The following LIN9 variants were observed in gnomAD, a reference collection of about 807,000 sequenced individuals.
LIN9 encodes the protein protein lin-9 homolog.
Under a neutral mutation model 78.0 loss-of-function variants are expected in LIN9, and 18 were observed. The observed-to-expected ratio is 0.23, with a 90% CI of 0.16 to 0.34. The LOEUF (loss-of-function observed/expected upper bound fraction) is 0.34. LIN9 is among the 10% of genes least tolerant of loss of function. LIN9 has a pLI of 1.00. For synonymous variants in LIN9, 192 were observed against 215.2 expected, an observed-to-expected ratio of 0.89 and a Z score of 0.94; for missense variants, 451 against 644.1, an observed-to-expected ratio of 0.70 and a Z score of 3.25.
chr1:226,251,099 CAGG>C (rs1421793919), intron 10 of LIN9, among the ~76,000 whole-genome samples, 180 bp from the exon 11 acceptor site: 2 of 152,166 alleles, frequency 1.3e-5, no homozygotes, highest in Non-Finnish European at 2.9e-5. Context: ...CTCTGTCACC[CAGG>C]CTGGAGTGCA....
intron 11 of LIN9, among the ~76,000 whole-genome samples, chr1:226,241,644 G>A (rs1231977670): frequency 6.6e-5 from 10 of 152,088 alleles, no homozygotes; most frequent in Non-Finnish European, 1.3e-4. Context: ...GGATCACGAG[G>A]TCAGGAGATC....
intron 11 of LIN9, among the ~76,000 whole-genome samples, chr1:226,241,826 C>T (rs1658134666): frequency 1.3e-5 from 2 of 151,828 alleles, no homozygotes; most frequent in Non-Finnish European, 2.9e-5. Context: ...CCACTGCACT[C>T]CAGCCTGGGC....
At chr1:226,303,138 T>C (rs1197670927) in intron 1 of LIN9, among the ~76,000 whole-genome samples, 1 of 152,128 alleles carries the variant, frequency 6.6e-6, no homozygotes, top group African/African-American at 2.4e-5. Context: ...AAAGCAGCAA[T>C]AGTAGACAAT....
chr1:226,241,043 A>C (rs1658075180), intron 11 of LIN9, among the ~76,000 whole-genome samples: 1 of 152,196 alleles, frequency 6.6e-6, no homozygotes, highest in Admixed American at 6.5e-5. Flanking sequence ...TGAAGCAGTA[A>C]AAGAGAAAGA....
chr1:226,270,071 C>A (rs546019922), intron 7 of LIN9, among the ~76,000 whole-genome samples: 1 of 151,962 alleles, frequency 6.6e-6, no homozygotes, highest in Non-Finnish European at 1.5e-5. Flanking sequence ...TACAAGTGCC[C>A]GCCACCACAC....
chr1:226,303,610 C>A (rs1662705786), intron 1 of LIN9, among the ~76,000 whole-genome samples: 2 of 151,066 alleles, frequency 1.3e-5, no homozygotes, highest in African/African-American at 4.9e-5. Flanking sequence ...TTTCTTTTTT[C>A]TTTTTCTTTT....
At chr1:226,309,249 C>A, upstream of LIN9, 3 of 1,310,106 alleles carry the variant, frequency 2.3e-6, no homozygotes, top group Non-Finnish European at 3.0e-6. Context: ...CCCGCGGCGC[C>A]GCGCTGCGCT....
chr1:226,260,628 GTTTTTTTTTTTTTTT>G (rs559460640), intron 10 of LIN9, among the ~76,000 whole-genome samples: 3 of 73,440 alleles, frequency 4.1e-5, no homozygotes, highest in East Asian at 4.2e-4. Context: ...GGCCAAATGA[GTTTTTTTTTTTTTTT>G]TTTTTTTTTT....
chr1:226,233,216 A>G lies in LIN9; in HGVS notation c.1426-23T>C, dbSNP rs1475183434. 3.2e-6 allele frequency: 5 copies of G among 1,554,272 alleles called. No homozygotes were observed. In the East Asian group the frequency reaches 9.0e-5, roughly 28 times the overall value. Reference sequence around the variant, plus strand: ...ACACTAAAGGGAAAAAAATTTCAAAATTTAATTGCATTATAGCTCAAATAT... The same window carrying G: ...ACACTAAAGGGAAAAAAATTTCAAAGTTTAATTGCATTATAGCTCAAATAT... On this transcript the variant is annotated intron_variant, in intron 13 of 14. Coordinates refer to ENST00000681046, the MANE Select transcript of LIN9 (RefSeq NM_001366245.2).
Position 226,263,274 on chromosome 1 carries a change from T to G in LIN9, c.1038+2259A>C, listed in dbSNP as rs1289081283. On this transcript the variant is annotated intron_variant, in intron 10 of 14. Transcript: ENST00000681046. ...CATCTTTAAATACATTAATGTGAACTATGGTCTTTAGGTGAAATGATGTGT... is the reference window on the plus strand; with the variant it reads ...CATCTTTAAATACATTAATGTGAACGATGGTCTTTAGGTGAAATGATGTGT... 3.3e-5 allele frequency among the ~76,000 whole-genome samples: 5 copies of G among 152,176 alleles called. No individual in the cohort carries two copies. The East Asian group carries it at 9.6e-4, about 29-fold the overall frequency.
chr1:226,296,936 A>G (rs1420640113), intron 3 of LIN9, among the ~76,000 whole-genome samples: 1 of 152,180 alleles, frequency 6.6e-6, no homozygotes, highest in East Asian at 1.9e-4. Context: ...AGCGGGCAGG[A>G]TCGCTTGAGC....
intron 10 of LIN9, among the ~76,000 whole-genome samples, chr1:226,256,397 TATC>T (rs1381302565): frequency 4.0e-5 from 6 of 151,722 alleles, no homozygotes; most frequent in Admixed American, 2.0e-4. Flanking sequence ...CCTATGAAAT[TATC>T]ATTCAAAAGT....
chr1:226,273,763 G>A (rs187577652), intron 7 of LIN9, among the ~76,000 whole-genome samples: 1 of 151,710 alleles, frequency 6.6e-6, no homozygotes, highest in East Asian at 1.9e-4. Context: ...AGCCCTCCAG[G>A]TGATTCTGAT....
At chr1:226,261,297 TAAGA>T (rs930885359) in intron 10 of LIN9, among the ~76,000 whole-genome samples, 2 of 148,370 alleles carry the variant, frequency 1.3e-5, no homozygotes, top group African/African-American at 5.0e-5. Context: ...TGCAATAAGA[TAAGA>T]AAGAGAAATT....
chr1:226,263,825 A>G (rs1338915395), intron 10 of LIN9, among the ~76,000 whole-genome samples: 1 of 152,176 alleles, frequency 6.6e-6, no homozygotes, highest in Non-Finnish European at 1.5e-5. Flanking sequence ...TAATCTTAGC[A>G]CTTTGGAAAG....
At chr1:226,243,898 G>A (rs1400987089) in intron 11 of LIN9, among the ~76,000 whole-genome samples, 1 of 151,020 alleles carries the variant, frequency 6.6e-6, no homozygotes, top group African/African-American at 2.4e-5. Flanking sequence ...TTTTTGAGAT[G>A]GAGTCTTGCT....
At chr1:226,306,773 T>C (rs2102691599) in intron 1 of LIN9, among the ~76,000 whole-genome samples, 1 of 152,362 alleles carries the variant, frequency 6.6e-6, no homozygotes, top group Non-Finnish European at 1.5e-5. Context: ...AACATACTGC[T>C]ATTTCCAGTA....
At chr1:226,283,942 C>CA (rs1225084985) in intron 6 of LIN9, among the ~76,000 whole-genome samples, 55 of 144,898 alleles carry the variant, frequency 3.8e-4, no homozygotes, top group Admixed American at 4.8e-4. Flanking sequence ...ACTCCCATCT[C>CA]AAAAAAAAAA....
chr1:226,278,056 A>C (rs1660780564), intron 6 of LIN9, 124 bp from the exon 7 acceptor site: 1 of 719,412 alleles, frequency 1.4e-6, no homozygotes, highest in Non-Finnish European at 2.2e-6. Context: ...GCAGTGGCAC[A>C]ATCTTGGCTC....
Sources: allele counts gnomAD v4.1 joint callset (sites outside exome capture counted in the v4.1 genomes callset), GRCh38; gene constraint gnomAD v4.1.1; transcripts MANE v1.5; gene names NCBI Gene and HGNC (gene_info 2026-07-23, HGNC 2026-07-21).